Variants in AK4 observed in about 807,000 individuals in gnomAD.
AK4 encodes the protein adenylate kinase 4, mitochondrial.
Under a neutral mutation model 24.6 loss-of-function variants are expected in AK4, and 13 were observed. That is an observed-to-expected ratio of 0.53 (90% CI 0.34 to 0.84). The LOEUF (loss-of-function observed/expected upper bound fraction) is 0.84, where lower values mean the gene tolerates loss of function less well. Among genes scored for constraint, AK4 ranks in the 40% least tolerant of loss-of-function variants. AK4 has a pLI of 0.01. For synonymous variants in AK4, 88 were observed against 107.0 expected (o/e 0.82, Z 1.10); for missense variants, 192 against 288.2 (o/e 0.67, Z 2.42).
At chr1:65,192,693 G>A (rs1356115003) in intron 2 of AK4, among the ~76,000 whole-genome samples, 1 of 152,206 alleles carries the variant, frequency 6.6e-6, no homozygotes, top group Non-Finnish European at 1.5e-5. Context: ...CTGTGAGCCT[G>A]TGAAATCAAA....
chr1:65,174,355 T>C (rs2101015091), intron 1 of AK4, among the ~76,000 whole-genome samples: 1 of 152,276 alleles, frequency 6.6e-6, no homozygotes, highest in Middle Eastern at 3.4e-3. Flanking sequence ...AAGGAACTCG[T>C]TTTCTTAATT....
intron 1 of AK4, among the ~76,000 whole-genome samples, chr1:65,154,313 C>T (rs1649899240): frequency 6.6e-6 from 1 of 152,236 alleles, no homozygotes; most frequent in Non-Finnish European, 1.5e-5. Context: ...CCCTGAGCGC[C>T]TGCCTGGGTG....
At chr1:65,175,326 G>A (rs1650676456) in intron 1 of AK4, among the ~76,000 whole-genome samples, 1 of 152,188 alleles carries the variant, frequency 6.6e-6, no homozygotes, top group Non-Finnish European at 1.5e-5. Flanking sequence ...CCTTGCTGTA[G>A]TTCTCCAACA....
At chr1:65,173,741 T>TA (rs983128199) in intron 1 of AK4, among the ~76,000 whole-genome samples, 3 of 151,848 alleles carry the variant, frequency 2.0e-5, no homozygotes, top group African/African-American at 4.8e-5. Context: ...CGCACGCCTG[T>TA]AGCCACAGCT....
chr1:65,166,969 TA>T (rs546401742), intron 1 of AK4, among the ~76,000 whole-genome samples: 64 of 152,288 alleles, frequency 4.2e-4, no homozygotes, highest in Middle Eastern at 6.8e-3. Context: ...CTGTCTCTAC[TA>T]AAAATACAAA....
chr1:65,155,387 C>T (rs1457053224), intron 1 of AK4, among the ~76,000 whole-genome samples: 1 of 151,994 alleles, frequency 6.6e-6, no homozygotes, highest in African/African-American at 2.4e-5. Flanking sequence ...GCAGGACAAT[C>T]GCTTGAATCC....
chr1:65,161,046 G>C (rs1431322779), intron 1 of AK4, among the ~76,000 whole-genome samples: 1 of 152,094 alleles, frequency 6.6e-6, no homozygotes, highest in African/African-American at 2.4e-5. Context: ...GGCCCTTTAA[G>C]GGTAGGATAG....
rs1003747195 is a variant in AK4 at position 65,171,804 on chromosome 1, A to G, written c.146-18906A>G. Among the ~76,000 whole-genome samples the G allele has an allele frequency of 2.3e-4, 35 of 151,916 alleles. No homozygotes were observed. In the East Asian group the frequency reaches 6.6e-3, roughly 29 times the overall value. ...TACTTAGGGCTAGGCATGGTGGCTC[A>G]TGCCTATAATCCCAGCACTTTGGGA... On this transcript the variant is annotated intron_variant, in intron 1 of 4. Transcript: ENST00000327299.
chr1:65,158,848 G>A (rs544739684), intron 1 of AK4, among the ~76,000 whole-genome samples: 2 of 152,134 alleles, frequency 1.3e-5, no homozygotes, highest in East Asian at 1.9e-4. Flanking sequence ...AGATAATAGA[G>A]GCTTTTGGAT....
chr1:65,184,078 A>G (rs1372879638), intron 1 of AK4, among the ~76,000 whole-genome samples: 3 of 152,216 alleles, frequency 2.0e-5, no homozygotes, highest in East Asian at 3.8e-4. Context: ...GAAAATTTGT[A>G]TATTATCTGA....
At chr1:65,159,742 G>A (rs1400224734) in intron 1 of AK4, among the ~76,000 whole-genome samples, 2 of 152,062 alleles carry the variant, frequency 1.3e-5, no homozygotes, top group East Asian at 3.9e-4. Context: ...GGCCCAGGCA[G>A]GTGGATCACA....
chr1:65,183,650 C>CGTGTGTGTGT (rs56067788), intron 1 of AK4, among the ~76,000 whole-genome samples: 10 of 140,810 alleles, frequency 7.1e-5, no homozygotes, highest in African/African-American at 2.3e-4. Flanking sequence ...TATAAATATC[C>CGTGTGTGTGT]GTGTGTGTGT....
At chr1:65,215,555 TC>T (rs1652106120) in intron 2 of AK4, among the ~76,000 whole-genome samples, 1 of 152,220 alleles carries the variant, frequency 6.6e-6, no homozygotes, top group African/African-American at 2.4e-5. Context: ...ATGGTTTATT[TC>T]TATAGTTGTT....
intron 3 of AK4, among the ~76,000 whole-genome samples, chr1:65,221,695 C>G (rs1211617054): frequency 6.6e-6 from 1 of 152,232 alleles, no homozygotes; most frequent in Non-Finnish European, 1.5e-5. Flanking sequence ...AAGTCCAACA[C>G]AGACGCTTTA....
intron 2 of AK4, among the ~76,000 whole-genome samples, chr1:65,204,948 T>G (rs1211817249): frequency 6.6e-6 from 1 of 152,230 alleles, no homozygotes; most frequent in Non-Finnish European, 1.5e-5. Context: ...TAGAAATCAT[T>G]GAAATGTACA....
intron 1 of AK4, among the ~76,000 whole-genome samples, chr1:65,151,838 G>A (rs191850379): frequency 2.6e-4 from 40 of 152,282 alleles, no homozygotes; most frequent in African/African-American, 9.1e-4. Flanking sequence ...ACTGCCTAGA[G>A]TGGTACAGGC....
intron 2 of AK4, among the ~76,000 whole-genome samples, chr1:65,194,229 A>G (rs1414122778): frequency 2.6e-5 from 4 of 152,258 alleles, no homozygotes; most frequent in African/African-American, 9.6e-5. Context: ...CAGCAGCTTG[A>G]AAGCTTTACT....
chr1:65,231,865 A>G lies in AK4; in HGVS notation c.*5688A>G, dbSNP rs560071464. 2.0e-5 allele frequency: 3 copies of G among 152,306 alleles called. No individual in the cohort carries two copies. Among genetic ancestry groups the G allele is most frequent in the Admixed American group, 6.5e-5 (1 of 15,302 alleles). The allele number at this position is 152,306 out of a possible 1,614,324, so 9.4% of individuals were successfully genotyped here. A position where few individuals can be genotyped will look rare whatever the true frequency, so the allele number is the denominator to read the frequency against. On this transcript the variant is annotated 3_prime_UTR_variant, in exon 5 of 5. Coordinates refer to ENST00000327299, the MANE Select transcript of AK4 (RefSeq NM_013410.4). ...AAGCTCAGATCAGTTCTATAACCCA[A>G]TGACAACCTGTCTCTTTGGTTTACT...
intron 2 of AK4, among the ~76,000 whole-genome samples, chr1:65,206,604 A>AACAC (rs888542332): frequency 6.6e-6 from 1 of 152,156 alleles, no homozygotes; most frequent in Non-Finnish European, 1.5e-5. Flanking sequence ...CACACACACA[A>AACAC]ACACACACAC....
Sources: allele counts gnomAD v4.1 joint callset (sites outside exome capture counted in the v4.1 genomes callset), GRCh38; gene constraint gnomAD v4.1.1; transcripts MANE v1.5; gene names NCBI Gene and HGNC (gene_info 2026-07-23, HGNC 2026-07-21).